Variants in SERP1 observed in about 807,000 individuals in gnomAD.
The protein encoded by SERP1 is stress associated endoplasmic reticulum protein 1.
Under a neutral mutation model 8.8 loss-of-function variants are expected in SERP1, and 6 were observed. The observed-to-expected ratio is 0.68, with a 90% CI of 0.37 to 1.35. SERP1 has a LOEUF of 1.35. SERP1 is among the 40% of genes most tolerant of loss of function. The probability of loss-of-function intolerance (pLI) is 0.02; values close to 1 mark genes in which losing one functional copy is unlikely to be tolerated. For synonymous variants in SERP1, 36 were observed against 28.7 expected (o/e 1.25, Z -0.81); for missense variants, 52 against 86.2 (o/e 0.60, Z 1.57).
chr3:150,545,946 C>T, intron 1 of SERP1, 106 bp downstream of exon 1: 1 of 1,476,442 alleles, frequency 6.8e-7, no homozygotes, highest in Non-Finnish European at 9.3e-7. Context: ...CCCTCCACGG[C>T]ACCAGCCCAC....
chr3:150,546,460 C>T lies in SERP1; in HGVS notation c.-325G>A. The stretch of plus-strand genomic sequence containing the variant: ...GGAGTGAAAGAGGAAGGAAACGCAA[C>T]GCAACAACGGGAATGTGCAGCCCGC... On this transcript the variant is annotated 5_prime_UTR_variant, in exon 1 of 3. Transcript: ENST00000239944. 1.8e-6 allele frequency: 1 copy of T among 554,838 alleles called. No homozygotes were observed. Among genetic ancestry groups the T allele is most frequent in the Non-Finnish European group, 3.2e-6 (1 of 315,866 alleles). 34.4% of individuals were successfully genotyped at this position (554,838 alleles called of 1,614,324 possible).
At chr3:150,545,406 C>A in intron 2 of SERP1, 1 of 436,820 alleles carries the variant, frequency 2.3e-6, no homozygotes, top group East Asian at 3.4e-5. Context: ...ATTCTAAATT[C>A]TCATTTCGTT....
chr3:150,546,201 G>A lies in SERP1; in HGVS notation c.-66C>T. 6.4e-7 allele frequency: 1 copy of A among 1,563,464 alleles called. No homozygotes were observed. Among genetic ancestry groups the A allele is most frequent in the South Asian group, 1.1e-5 (1 of 90,158 alleles). On this transcript the variant is annotated 5_prime_UTR_variant, in exon 1 of 3. Coordinates refer to ENST00000239944, the MANE Select transcript of SERP1 (RefSeq NM_014445.4). ...CGCTCACTCGCCTGCCTCCTCTGGA[G>A]CCGCTGCGAGGCTCGGCTCGTGGTG...
chr3:150,542,315 C>T lies in SERP1; in HGVS notation c.*2143G>A, dbSNP rs1722891859. 6.6e-6 allele frequency: 1 copy of T among 152,168 alleles called. No homozygotes were observed. Among genetic ancestry groups the T allele is most frequent in the East Asian group, 1.9e-4 (1 of 5,200 alleles). 9.4% of individuals were successfully genotyped at this position (152,168 alleles called of 1,614,324 possible). ...TGGATGACAAGGAGATTAGGAAATC[C>T]TAAGTGGAAAAATATTCAAATCATT... is the stretch of plus-strand genomic sequence containing the variant. On this transcript the variant is annotated 3_prime_UTR_variant, in exon 3 of 3. Transcript: ENST00000239944.
rs756586175 is a variant in SERP1, at chr3:150,546,151, A to G, written c.-16T>C. ...TGGCGACCATCTTCGCGGCGCCACC[A>G]CCTGCCCCGGCCACCCCTCGGACTC... On this transcript the variant is annotated 5_prime_UTR_variant, in exon 1 of 3. Transcript: ENST00000239944. 49 of 1,611,620 alleles carry G rather than the reference A, an allele frequency of 3.0e-5. 1 individual carries two copies. The highest frequency in any genetic ancestry group is 1.6e-4 in the Middle Eastern group (1 of 6,062).
At chr3:150,545,972 G>A in intron 1 of SERP1, 80 bp downstream of exon 1, 1 of 1,572,370 alleles carries the variant, frequency 6.4e-7, no homozygotes, top group Middle Eastern at 1.7e-4. Flanking sequence ...GCCGGATCCG[G>A]GAGAAAACGC....
At position 150,545,830 on chromosome 3, in the gene SERP1, C is replaced by A. The variant is rs1215471939; in HGVS notation, c.85-52G>T. 10 of 1,540,118 alleles carry A rather than the reference C, an allele frequency of 6.5e-6. No individual in the cohort carries two copies. The East Asian group carries it at 2.1e-4, about 33-fold the overall frequency. ...AGATGCAGAGAAACCACTCGGACCC[C>A]AGGCTCCCACGCCTGCACGCCGGTC... On this transcript the variant is annotated intron_variant, in intron 1 of 2. Transcript: ENST00000239944.
Position 150,544,299 on chromosome 3 carries a change from ACT to A in SERP1, c.*157_*158del. 1.5e-6 allele frequency: 1 copy of A among 661,802 alleles called. No individual in the cohort carries two copies. The highest frequency in any genetic ancestry group is 2.7e-5 in the East Asian group (1 of 37,480). The allele number at this position is 661,802 out of a possible 1,614,324, so 41.0% of individuals were successfully genotyped here. On this transcript the variant is annotated 3_prime_UTR_variant, in exon 3 of 3. Coordinates refer to ENST00000239944, the MANE Select transcript of SERP1 (RefSeq NM_014445.4). The stretch of plus-strand genomic sequence containing the variant: ...GGTATGGACTAGAAAACTTGGAATG[ACT>A]CATGAAGAAACCTTGGAATGACACA...
Position 150,543,421 on chromosome 3 carries a change from G to A in SERP1, c.*1037C>T, listed in dbSNP as rs1201041236. 3 of 152,554 alleles carry A rather than the reference G, an allele frequency of 2.0e-5. No individual in the cohort carries two copies. Among genetic ancestry groups the A allele is most frequent in the Admixed American group, 2.0e-4 (3 of 15,272 alleles). 9.5% of individuals were successfully genotyped at this position (152,554 alleles called of 1,614,324 possible). ...CATTCAATTCCAGATGCCACTTTAGGCTGATGTGTCTAGTACCCTAATGAT... is the reference window on the plus strand; with the variant it reads ...CATTCAATTCCAGATGCCACTTTAGACTGATGTGTCTAGTACCCTAATGAT... On this transcript the variant is annotated 3_prime_UTR_variant, in exon 3 of 3. Transcript: ENST00000239944.
rs1722936265 is a variant in SERP1, at chr3:150,544,382, A to G, written c.*76T>C. On this transcript the variant is annotated 3_prime_UTR_variant, in exon 3 of 3. Coordinates refer to ENST00000239944, the MANE Select transcript of SERP1 (RefSeq NM_014445.4). The stretch of plus-strand genomic sequence containing the variant: ...AGGATGCTTTACTGAATTGTTTTCA[A>G]CCAGGGTATCAAACATCAGGAATGA... The G allele has an allele frequency of 7.7e-7, 1 of 1,304,666 alleles. No homozygotes were observed. Among genetic ancestry groups the G allele is most frequent in the Non-Finnish European group, 1.1e-6 (1 of 901,078 alleles). 80.8% of individuals were successfully genotyped at this position (1,304,666 alleles called of 1,614,324 possible).
chr3:150,542,608 C>T lies in SERP1; in HGVS notation c.*1850G>A, dbSNP rs1038073228. On this transcript the variant is annotated 3_prime_UTR_variant, in exon 3 of 3. Transcript: ENST00000239944. ...TAATCCAACCTGAATATAAACTGCA[C>T]TTAATTGGTGAATTACACATGAAAT... 4 of 152,214 alleles carry T rather than the reference C, an allele frequency of 2.6e-5. No individual in the cohort carries two copies. The highest frequency in any genetic ancestry group is 9.7e-5 in the African/African-American group (4 of 41,412). 9.4% of individuals were successfully genotyped at this position (152,214 alleles called of 1,614,324 possible).
Position 150,543,616 on chromosome 3 carries a change from T to C in SERP1, c.*842A>G, listed in dbSNP as rs1339302248. ...ATCCATTTTTAGCAGTATTTTTCCC[T>C]AGAATTTTGTTTGGCATAGTAAACC... On this transcript the variant is annotated 3_prime_UTR_variant, in exon 3 of 3. Transcript: ENST00000239944. 2 of 152,622 alleles carry C rather than the reference T, an allele frequency of 1.3e-5. No individual in the cohort carries two copies. Among genetic ancestry groups the C allele is most frequent in the African/African-American group, 4.8e-5 (2 of 41,460 alleles). The allele number at this position is 152,622 out of a possible 1,614,324, so 9.5% of individuals were successfully genotyped here. A position where few individuals can be genotyped will look rare whatever the true frequency, so the allele number is the denominator to read the frequency against.
rs1163213065 is a variant in SERP1 at position 150,542,247 on chromosome 3, G to A, written c.*2211C>T. The A allele has an allele frequency of 6.6e-6, 1 of 152,104 alleles. No individual in the cohort carries two copies. The allele number at this position is 152,104 out of a possible 1,614,324, so 9.4% of individuals were successfully genotyped here. On this transcript the variant is annotated 3_prime_UTR_variant, in exon 3 of 3. Transcript: ENST00000239944. The stretch of plus-strand genomic sequence containing the variant: ...TTAGATGATCTATAAAATTCAACTG[G>A]CAAAGGGAGATCAAAGAATTGTGCT...
rs1024530323 is a variant in SERP1, at chr3:150,543,780, T to A, written c.*678A>T. The A allele has an allele frequency of 6.7e-6, 1 of 148,274 alleles. No homozygotes were observed. Among genetic ancestry groups the A allele is most frequent in the Non-Finnish European group, 1.5e-5 (1 of 66,736 alleles). 9.2% of individuals were successfully genotyped at this position (148,274 alleles called of 1,614,324 possible). A position where few individuals can be genotyped will look rare whatever the true frequency, so the allele number is the denominator to read the frequency against. On this transcript the variant is annotated 3_prime_UTR_variant, in exon 3 of 3. Transcript: ENST00000239944. The stretch of plus-strand genomic sequence containing the variant: ...TCAGAAAACGATCAAGTTTTTTTTT[T>A]ATGGCATCTTGGGTTACTATACTCA...
rs199988150 is a variant in SERP1 at position 150,545,773 on chromosome 3, A to C, written c.90T>G (p.Asn30Lys). Residue 30 changes from asparagine to lysine, a missense_variant, in exon 2 of 3, where the codon AAT (asparagine) becomes AAG (lysine). Coordinates refer to ENST00000239944, the MANE Select transcript of SERP1 (RefSeq NM_014445.4). ...CTACAGACGCCTTCTCTTCGGGGGC[A>C]TTTCTCTGCAAAAGCGAAAATCCAC... ...QRGNVAKTSR[N>K]APEEKASVGP... is the part of the protein sequence containing the mutation. 6.2e-7 allele frequency: 1 copy of C among 1,605,406 alleles called. No individual in the cohort carries two copies. The highest frequency in any genetic ancestry group is 8.5e-7 in the Non-Finnish European group (1 of 1,175,284).
Position 150,546,034 on chromosome 3 carries a change from C to A in SERP1, c.84+18G>T, listed in dbSNP as rs1243041510. 2 of 1,612,882 alleles carry A rather than the reference C, an allele frequency of 1.2e-6. No individual in the cohort carries two copies. The highest frequency in any genetic ancestry group is 2.2e-5 in the East Asian group (1 of 44,866). Reference sequence around the variant, plus strand: ...GCTCCGGCTGCGGAACGCAGAGGGGCGCCCGCTCTTTCCTTACCGAGGTCT... The same window carrying A: ...GCTCCGGCTGCGGAACGCAGAGGGGAGCCCGCTCTTTCCTTACCGAGGTCT... On this transcript the variant is annotated intron_variant, in intron 1 of 2. Transcript: ENST00000239944.
Position 150,545,734 on chromosome 3 carries a change from C to T in SERP1, c.129G>A (p.Leu43=). The change falls in exon 2 of 3, where the codon TTG becomes TTA. Residue 43 remains leucine, a synonymous_variant. Transcript: ENST00000239944. ...CACAGACAACAAAAATGAAGAGAGC[C>T]AATAACCAGGGTCCTACAGACGCCT... The part of the protein sequence containing the change: ...EEKASVGPWL[L]ALFIFVVCGS... 1 of 1,609,458 alleles carries T rather than the reference C, an allele frequency of 6.2e-7. No individual in the cohort carries two copies. The highest frequency in any genetic ancestry group is 8.5e-7 in the Non-Finnish European group (1 of 1,177,532).
chr3:150,546,397 G>C lies in SERP1; in HGVS notation c.-262C>G, dbSNP rs1186776713. ...GAACTGGCCGCCGGGTCGTTCTCGCGCCGCCGTCGCCGCCGCTTTGGCCGC... is the reference window on the plus strand; with the variant it reads ...GAACTGGCCGCCGGGTCGTTCTCGCCCCGCCGTCGCCGCCGCTTTGGCCGC... On this transcript the variant is annotated 5_prime_UTR_variant, in exon 1 of 3. Transcript: ENST00000239944. 1 of 557,116 alleles carries C rather than the reference G, an allele frequency of 1.8e-6. No homozygotes were observed. Among genetic ancestry groups the C allele is most frequent in the African/African-American group, 2.0e-5 (1 of 50,878 alleles). The allele number at this position is 557,116 out of a possible 1,614,324, so 34.5% of individuals were successfully genotyped here.
intron 1 of SERP1, 120 bp from the exon 2 acceptor site, chr3:150,545,898 C>A (rs1397875204): frequency 3.0e-6 from 4 of 1,346,254 alleles, no homozygotes; most frequent in East Asian, 2.5e-5. Context: ...CGTTCCCGAG[C>A]CCCCACAGTC....
Sources: gnomAD v4.1 joint callset for allele counts on GRCh38, gnomAD v4.1.1 for gene constraint, MANE v1.5 for transcripts, NCBI Gene and HGNC (gene_info 2026-07-23, HGNC 2026-07-21) for gene names.